Variants in CFAP77 observed in about 807,000 individuals in gnomAD.
The protein encoded by CFAP77 is cilia and flagella associated protein 77.
CFAP77 carries 25 observed loss-of-function variants against 31.1 expected under a neutral mutation model. The observed-to-expected ratio is 0.80, with a 90% CI of 0.59 to 1.12. The LOEUF (loss-of-function observed/expected upper bound fraction) is 1.12. Ranked by LOEUF, CFAP77 falls within the 50% of genes most tolerant of loss-of-function variation. The probability of loss-of-function intolerance (pLI) is 0.00; values close to 1 mark genes in which losing one functional copy is unlikely to be tolerated. For missense variants in CFAP77, 377 were observed against 397.3 expected, an observed-to-expected ratio of 0.95 and a Z score of 0.44; for synonymous variants, 151 against 159.9, an observed-to-expected ratio of 0.94 and a Z score of 0.42.
intron 1 of CFAP77, among the ~76,000 whole-genome samples, chr9:132,479,533 C>T (rs1261674860): frequency 6.6e-6 from 1 of 152,232 alleles, no homozygotes; most frequent in African/African-American, 2.4e-5. Context: ...ATCCAACCTG[C>T]TGCAGCGCAT....
intron 1 of CFAP77, among the ~76,000 whole-genome samples, chr9:132,429,537 CAAAAAAAAAAAAAAA>C (rs762588728): frequency 2.5e-5 from 1 of 39,458 alleles, no homozygotes. Context: ...GACTTCAACT[CAAAAAAAAAAAAAAA>C]AAAAAAAAAA....
chr9:132,537,761 G>C, intron 4 of CFAP77, 55 bp downstream of exon 4: 1 of 1,306,656 alleles, frequency 7.7e-7, no homozygotes. Flanking sequence ...GAAGAGAGAA[G>C]GGCTGGCCAG....
At chr9:132,433,518 C>T (rs1046293055) in intron 1 of CFAP77, among the ~76,000 whole-genome samples, 3 of 151,758 alleles carry the variant, frequency 2.0e-5, no homozygotes, top group Non-Finnish European at 4.4e-5. Context: ...ACGCTCCCCA[C>T]ACTTCTCCTC....
chr9:132,562,466 TG>T lies in CFAP77; in HGVS notation c.733-9921del, dbSNP rs560742683. ...GAGCTAAACAGGGAAGCGTTTTGTATGTTTTTTATTTTTTTCATATCAAGGA... is the reference window on the plus strand; with the variant it reads ...GAGCTAAACAGGGAAGCGTTTTGTATTTTTTTATTTTTTTCATATCAAGGA... On this transcript the variant is annotated intron_variant, in intron 5 of 5. Coordinates refer to ENST00000393216, the MANE Select transcript of CFAP77 (RefSeq NM_001282957.2). Among the ~76,000 whole-genome samples, 104 of 152,330 alleles carry T rather than the reference TG, an allele frequency of 6.8e-4. No homozygotes were observed. The East Asian group carries it at 0.019, about 27-fold the overall frequency.
At position 132,535,711 on chromosome 9, in the gene CFAP77, CAATAAATA is replaced by C. The variant is rs34927880; in HGVS notation, c.525-1859_525-1852del. Among the ~76,000 whole-genome samples, 652 of 148,052 alleles carry C rather than the reference CAATAAATA, an allele frequency of 4.4e-3. 3 individuals are homozygous for C. Among genetic ancestry groups the C allele is most frequent in the African/African-American group, 0.013 (505 of 39,496 alleles). On this transcript the variant is annotated intron_variant, in intron 3 of 5. Coordinates refer to ENST00000393216, the MANE Select transcript of CFAP77 (RefSeq NM_001282957.2). Reference sequence around the variant, plus strand: ...TGGGTGGCAGCGTGAGACTCCACCTCAATAAATAAATAAATAAATAAATAAATAAATAA... The same window carrying C: ...TGGGTGGCAGCGTGAGACTCCACCTCAATAAATAAATAAATAAATAAATAA...
intron 5 of CFAP77, among the ~76,000 whole-genome samples, chr9:132,555,853 C>T (rs1277501012): frequency 6.6e-6 from 1 of 152,118 alleles, no homozygotes; most frequent in Non-Finnish European, 1.5e-5. Flanking sequence ...AATATACAAA[C>T]ATATAGACCT....
At chr9:132,482,250 TG>T in intron 1 of CFAP77, 3 of 1,128,260 alleles carry the variant, frequency 2.7e-6, no homozygotes, top group Non-Finnish European at 4.0e-6. Flanking sequence ...GTCTGCTGGC[TG>T]TGACCCTTGA....
At chr9:132,571,807 A>G (rs1829962583) in intron 5 of CFAP77, among the ~76,000 whole-genome samples, 1 of 152,080 alleles carries the variant, frequency 6.6e-6, no homozygotes, top group African/African-American at 2.4e-5. Context: ...TCTTGAGAAG[A>G]AAGGGCAGGC....
chr9:132,433,970 G>GCAAA (rs1850459981), intron 1 of CFAP77, among the ~76,000 whole-genome samples: 2 of 106,554 alleles, frequency 1.9e-5, no homozygotes, highest in African/African-American at 7.3e-5. Context: ...GACCCCATGT[G>GCAAA]TAAAAAAAAA....
chr9:132,541,167 G>C (rs1413873720), intron 4 of CFAP77, among the ~76,000 whole-genome samples: 2 of 152,196 alleles, frequency 1.3e-5, no homozygotes, highest in South Asian at 4.1e-4. Context: ...GGTATGTCCT[G>C]ATTTGGATGG....
intron 3 of CFAP77, among the ~76,000 whole-genome samples, chr9:132,502,407 C>T (rs564460937): frequency 2.6e-5 from 4 of 152,032 alleles, no homozygotes; most frequent in South Asian, 4.2e-4. Context: ...ATTACATTCA[C>T]GTCGTTGTGT....
chr9:132,567,032 C>T (rs1169334272), intron 5 of CFAP77, among the ~76,000 whole-genome samples: 4 of 152,230 alleles, frequency 2.6e-5, no homozygotes, highest in South Asian at 2.1e-4. Context: ...GAACAGGCCA[C>T]GAGCAGACCC....
chr9:132,417,326 G>T lies in CFAP77; in HGVS notation c.195+6860G>T, dbSNP rs143808948. Among the ~76,000 whole-genome samples, 554 of 152,172 alleles carry T rather than the reference G, an allele frequency of 3.6e-3. 5 individuals carry two copies. The highest frequency in any genetic ancestry group is 9.3e-3 in the African/African-American group (388 of 41,518). On this transcript the variant is annotated intron_variant, in intron 1 of 5. Transcript: ENST00000393216. ...AACGGGCTTTCACCATGTTGGCCAG[G>T]CTGGTTTCAAACCCCTGACCTCGTG...
At chr9:132,566,046 C>G (rs1397018859) in intron 5 of CFAP77, among the ~76,000 whole-genome samples, 1 of 152,320 alleles carries the variant, frequency 6.6e-6, no homozygotes, top group East Asian at 1.9e-4. Flanking sequence ...AGAAGCATCT[C>G]AGAAGGAATT....
chr9:132,458,209 C>T (rs1054304788), intron 1 of CFAP77, among the ~76,000 whole-genome samples: 5 of 152,204 alleles, frequency 3.3e-5, no homozygotes, highest in African/African-American at 1.2e-4. Context: ...CCCGTTATCC[C>T]GGAGCCAGGG....
intron 5 of CFAP77, among the ~76,000 whole-genome samples, chr9:132,546,468 C>A (rs1483144370): frequency 6.6e-6 from 1 of 152,184 alleles, no homozygotes; most frequent in Non-Finnish European, 1.5e-5. Flanking sequence ...TCTCCCCGCT[C>A]ACGAGCAGAT....
chr9:132,420,520 G>T (rs1239393203), intron 1 of CFAP77, among the ~76,000 whole-genome samples: 3 of 151,882 alleles, frequency 2.0e-5, no homozygotes, highest in Non-Finnish European at 4.4e-5. Flanking sequence ...AAAATTCTGG[G>T]CATGGTGGTG....
At chr9:132,443,753 G>A (rs1312903312) in intron 1 of CFAP77, among the ~76,000 whole-genome samples, 1 of 152,190 alleles carries the variant, frequency 6.6e-6, no homozygotes, top group Non-Finnish European at 1.5e-5. Flanking sequence ...GCTATGGTCT[G>A]TAAGGCTAAA....
intron 1 of CFAP77, among the ~76,000 whole-genome samples, chr9:132,465,073 CAAAAAAA>C (rs773917029): frequency 2.5e-4 from 21 of 82,870 alleles, no homozygotes; most frequent in African/African-American, 4.9e-4. Flanking sequence ...GACTCTGTCT[CAAAAAAA>C]AAAAAAAAAA....
Sources: allele counts gnomAD v4.1 joint callset (sites outside exome capture counted in the v4.1 genomes callset), GRCh38; gene constraint gnomAD v4.1.1; transcripts MANE v1.5; gene names NCBI Gene and HGNC (gene_info 2026-07-23, HGNC 2026-07-21).